The following TDRD9 variants were observed in gnomAD, a reference collection of about 807,000 sequenced individuals.
TDRD9 encodes ATP-dependent RNA helicase TDRD9.
In TDRD9, 124 loss-of-function variants were observed where a neutral mutation model predicts 172.6. The ratio of observed to expected loss-of-function variants is 0.72; its 90% CI spans 0.62 to 0.83. The LOEUF (loss-of-function observed/expected upper bound fraction) is 0.83, where lower values mean the gene tolerates loss of function less well. Among genes scored for constraint, TDRD9 ranks in the 40% least tolerant of loss-of-function variants. The pLI is 0.00. For synonymous variants in TDRD9, 619 were observed against 617.1 expected (o/e 1.00, Z -0.05); for missense variants, 1,479 against 1,714.1 (o/e 0.86, Z 2.42).
rs1347333205 is a variant in TDRD9 at position 103,997,259 on chromosome 14, G to C, written c.1379-1365G>C. Among the ~76,000 whole-genome samples the C allele has an allele frequency of 6.6e-6, 1 of 152,234 alleles. No homozygotes were observed. Among genetic ancestry groups the C allele is most frequent in the Admixed American group, 6.5e-5 (1 of 15,286 alleles). On this transcript the variant is annotated intron_variant, in intron 12 of 35. Transcript: ENST00000409874. The surrounding 1 kb of genome is among the most constrained non-coding windows in gnomAD (Gnocchi z 5.1). ...GTCACAAGAATCTAGGCGACAATGG[G>C]TGGTGCTTAGAAAAGGACAGCAGCG...
At chr14:104,007,732 T>C (rs936062929) in intron 19 of TDRD9, among the ~76,000 whole-genome samples, 13 of 152,040 alleles carry the variant, frequency 8.6e-5, no homozygotes, top group African/African-American at 2.9e-4. Context: ...GGAGATTTGC[T>C]GTGCTTAGAT....
intron 21 of TDRD9, among the ~76,000 whole-genome samples, chr14:104,015,169 C>G (rs1435681485): frequency 6.6e-6 from 1 of 152,036 alleles, no homozygotes; most frequent in African/African-American, 2.4e-5. Flanking sequence ...TTTGTTTTAG[C>G]TTTTAAGAAA....
chr14:104,022,236 C>G lies in TDRD9; in HGVS notation c.2512C>G (p.Gln838Glu), dbSNP rs745981222. The G allele has an allele frequency of 3.1e-6, 5 of 1,608,606 alleles. No individual in the cohort carries two copies. Among genetic ancestry groups the G allele is most frequent in the Non-Finnish European group, 4.2e-6 (5 of 1,177,446 alleles). ...AGTATATATGGCAATTAAGATGTCT[C>G]AACTAAAAGTTTCACTTGAACTCAG... ...PAVYMAIKMSQLKVSLELSVH... is the reference protein window; with the variant it reads ...PAVYMAIKMSELKVSLELSVH... Residue 838 changes from glutamine (Q) to glutamate (E), a missense_variant, in exon 24 of 36, where the codon CAA (glutamine) becomes GAA (glutamate). Gln to Glu is a conservative substitution (Grantham distance 29). This residue lies in a region of TDRD9 where 1,413 missense variants were observed against 1,649.1 expected (regional missense o/e 0.86). Coordinates refer to ENST00000409874, the MANE Select transcript of TDRD9 (RefSeq NM_153046.3).
chr14:104,005,824 T>A (rs2034420157), intron 15 of TDRD9, among the ~76,000 whole-genome samples: 1 of 152,210 alleles, frequency 6.6e-6, no homozygotes. Flanking sequence ...TATGATTGAT[T>A]GATTGATTAA....
At chr14:104,002,726 TC>T (rs2034303928) in intron 13 of TDRD9, among the ~76,000 whole-genome samples, 3 of 140,522 alleles carry the variant, frequency 2.1e-5, no homozygotes, top group Non-Finnish European at 4.9e-5. Context: ...TTTTTTCTTT[TC>T]TTTTCTTTTT....
chr14:103,938,919 A>G (rs985651206), intron 1 of TDRD9, among the ~76,000 whole-genome samples: 2 of 152,226 alleles, frequency 1.3e-5, no homozygotes, highest in East Asian at 3.8e-4. Context: ...CTCACAGGAT[A>G]TGAGTATTAG....
At chr14:103,955,379 T>G (rs981613124) in intron 1 of TDRD9, among the ~76,000 whole-genome samples, 2 of 152,136 alleles carry the variant, frequency 1.3e-5, no homozygotes, top group African/African-American at 4.8e-5. Context: ...AAAATGATAC[T>G]GCAAACTACC....
At chr14:103,956,142 A>ATG (rs2032224549) in intron 2 of TDRD9, among the ~76,000 whole-genome samples, 1 of 112,134 alleles carries the variant, frequency 8.9e-6, no homozygotes, top group Non-Finnish European at 1.7e-5. Flanking sequence ...ATATATATAT[A>ATG]TATATATAAT....
intron 5 of TDRD9, among the ~76,000 whole-genome samples, chr14:103,968,794 T>TAAAAAAAAAAAAAAAAAAA (rs1475595274): frequency 9.2e-4 from 2 of 2,168 alleles, no homozygotes; most frequent in Non-Finnish European, 1.8e-3. Context: ...AGACTCTGTC[T>TAAAAAAAAAAAAAAAAAAA]CAAAAAAAAA....
rs372772761 is a variant in TDRD9 at position 104,005,422 on chromosome 14, G to C, written c.1713+17G>C. On this transcript the variant is annotated intron_variant, in intron 15 of 35. Coordinates refer to ENST00000409874, the MANE Select transcript of TDRD9 (RefSeq NM_153046.3). ...CTAAAGGAGGTAGGACTGCCTGCTG[G>C]TTAGTACTGTTGGCATCTGTAGAGC... is the stretch of plus-strand genomic sequence containing the variant. The C allele has an allele frequency of 5.0e-6, 8 of 1,613,614 alleles. No individual in the cohort carries two copies. Among genetic ancestry groups the C allele is most frequent in the Non-Finnish European group, 5.9e-6 (7 of 1,179,770 alleles).
intron 1 of TDRD9, among the ~76,000 whole-genome samples, chr14:103,929,821 G>C (rs969970224): frequency 1.3e-5 from 2 of 152,266 alleles, no homozygotes; most frequent in Non-Finnish European, 1.5e-5. Context: ...CGCCCGGCCT[G>C]CTTCCAAGTT....
chr14:104,027,964 C>A (rs976842915), intron 28 of TDRD9, among the ~76,000 whole-genome samples: 5 of 152,104 alleles, frequency 3.3e-5, no homozygotes, highest in Non-Finnish European at 7.3e-5. Flanking sequence ...TATTTCTGTG[C>A]CTGACTTATT....
At chr14:104,021,120 C>T (rs947829975) in intron 23 of TDRD9, among the ~76,000 whole-genome samples, 2 of 152,242 alleles carry the variant, frequency 1.3e-5, no homozygotes, top group African/African-American at 4.8e-5. Context: ...AGGAAACTTA[C>T]AATCATGGTG....
chr14:103,933,124 A>G (rs959979453), intron 1 of TDRD9, among the ~76,000 whole-genome samples: 2 of 152,100 alleles, frequency 1.3e-5, no homozygotes, highest in Non-Finnish European at 2.9e-5. Context: ...CCTCTTCCAC[A>G]TGGTACTGTA....
intron 34 of TDRD9, among the ~76,000 whole-genome samples, chr14:104,042,609 A>C (rs958296260): frequency 6.6e-6 from 1 of 152,184 alleles, no homozygotes; most frequent in African/African-American, 2.4e-5. Flanking sequence ...TGGACTCTCC[A>C]TGGGACAAAC....
intron 7 of TDRD9, among the ~76,000 whole-genome samples, chr14:103,975,984 G>T (rs890556063): frequency 5.3e-5 from 8 of 152,120 alleles, no homozygotes; most frequent in African/African-American, 1.9e-4. Flanking sequence ...GACACTAGAA[G>T]TTATTTCTTA....
chr14:104,025,992 G>A, intron 26 of TDRD9, 55 bp from the exon 27 acceptor site: 1 of 1,201,084 alleles, frequency 8.3e-7, no homozygotes, highest in Non-Finnish European at 1.2e-6. Context: ...CTATTGCTCA[G>A]GTAGGGCATT....
chr14:103,979,588 T>C (rs2033390327), intron 7 of TDRD9, among the ~76,000 whole-genome samples: 1 of 152,184 alleles, frequency 6.6e-6, no homozygotes, highest in South Asian at 2.1e-4. Context: ...GGCATTAATC[T>C]ATTCATGAGG....
At chr14:103,972,057 T>C (rs901370316) in intron 6 of TDRD9, among the ~76,000 whole-genome samples, 2 of 152,048 alleles carry the variant, frequency 1.3e-5, no homozygotes, top group Non-Finnish European at 2.9e-5. Flanking sequence ...CTTGGGAGGC[T>C]GACGGAGGAT....
Sources: gnomAD v4.1 joint callset for allele counts (sites outside exome capture counted in the v4.1 genomes callset) on GRCh38, gnomAD v4.1.1 for gene constraint, gnomAD v4.1.1 regional missense constraint, Gnocchi (gnomAD v3.1) non-coding constraint, MANE v1.5 for transcripts, NCBI Gene and HGNC (gene_info 2026-07-23, HGNC 2026-07-21) for gene names.